The following VPS13D variants were observed in gnomAD, a reference collection of about 807,000 sequenced individuals.
VPS13D encodes vacuolar protein sorting 13 homolog D.
Under a neutral mutation model 461.9 loss-of-function variants are expected in VPS13D, and 187 were observed. That is an observed-to-expected ratio of 0.40 (90% confidence interval 0.36 to 0.46). VPS13D has a LOEUF of 0.46. VPS13D is among the 20% of genes least tolerant of loss of function. The pLI is 0.60. For missense variants in VPS13D, 4,711 were observed against 5,364.9 expected (o/e 0.88, Z 3.81); for synonymous variants, 1,951 against 1,986.3 (o/e 0.98, Z 0.47).
chr1:12,345,538 T>A, intron 43 of VPS13D, 29 bp downstream of exon 43: 1 of 1,593,810 alleles, frequency 6.3e-7, no homozygotes, highest in Non-Finnish European at 8.6e-7. Flanking sequence ...GTCAGATGGT[T>A]AAGCGACTGT....
chr1:12,363,830 G>A (rs1329469611), intron 52 of VPS13D, among the ~76,000 whole-genome samples: 1 of 151,774 alleles, frequency 6.6e-6, no homozygotes, highest in Non-Finnish European at 1.5e-5. Context: ...GTGTGTGGCT[G>A]TAGTCACAGC....
intron 3 of VPS13D, among the ~76,000 whole-genome samples, chr1:12,243,856 C>T (rs1218344466): frequency 1.3e-5 from 2 of 152,122 alleles, no homozygotes; most frequent in Non-Finnish European, 2.9e-5. Flanking sequence ...CCAACTAGTG[C>T]TTATCAACCA....
rs558189927 is a variant in VPS13D at position 12,306,015 on chromosome 1, A to G, written c.6439+1287A>G. Among the ~76,000 whole-genome samples the G allele has an allele frequency of 1.7e-3, 250 of 150,832 alleles. 1 individual carries two copies. The highest frequency in any genetic ancestry group is 5.7e-3 in the African/African-American group (232 of 41,048). On this transcript the variant is annotated intron_variant, in intron 26 of 69. Transcript: ENST00000620676. ...TTTTATTTTTTTGAGATGGAGTCTC[A>G]CTCTGTTGCCCAGGCTGGAGTGCAG...
chr1:12,428,791 A>G (rs367981089), intron 65 of VPS13D, among the ~76,000 whole-genome samples: 7 of 152,300 alleles, frequency 4.6e-5, no homozygotes, highest in African/African-American at 1.4e-4. Context: ...CACATCACCA[A>G]TTAGGTGCTG....
At chr1:12,237,053 G>T (rs1233421120) in intron 2 of VPS13D, among the ~76,000 whole-genome samples, 1 of 151,214 alleles carries the variant, frequency 6.6e-6, no homozygotes, top group East Asian at 1.9e-4. Flanking sequence ...CAAAGAGATT[G>T]TGTGTGTGTG....
rs58476786 is a variant in VPS13D at position 12,395,996 on chromosome 1, G to GATATATATATATATATATATATATAT, written c.11635-4177_11635-4152dup. Among the ~76,000 whole-genome samples, 26 of 73,762 alleles carry GATATATATATATATATATATATATAT rather than the reference G, an allele frequency of 3.5e-4. 2 individuals are homozygous for GATATATATATATATATATATATATAT. Among genetic ancestry groups the GATATATATATATATATATATATATAT allele is most frequent in the Non-Finnish European group, 5.2e-4 (22 of 42,598 alleles). 48.4% of individuals were successfully genotyped at this position (73,762 alleles called of 152,430 possible). A position where few individuals can be genotyped will look rare whatever the true frequency, so the allele number is the denominator to read the frequency against. ...TCTTAGAGGGATAGAACTAATAGGA[G>GATATATATATATATATATATATATAT]ATATATATATATATATATATATATA... is the stretch of plus-strand genomic sequence containing the variant. On this transcript the variant is annotated intron_variant, in intron 60 of 69. Coordinates refer to ENST00000620676, the MANE Select transcript of VPS13D (RefSeq NM_015378.4).
chr1:12,427,017 GAAAT>G lies in VPS13D; in HGVS notation c.12333+10211_12333+10214del, dbSNP rs148686366. On this transcript the variant is annotated intron_variant, in intron 65 of 69. Transcript: ENST00000620676. ...CGACAAGAGTGAGTCTTCGTCTCAA[GAAAT>G]AAATAAATAAATAAATAAATTTAGT... 7.5e-3 allele frequency among the ~76,000 whole-genome samples: 1,133 copies of G among 151,820 alleles called. 54 individuals carry two copies. In the East Asian group the frequency reaches 0.12, roughly 17 times the overall value.
intron 25 of VPS13D, among the ~76,000 whole-genome samples, chr1:12,302,601 G>A (rs537115860): frequency 1.2e-3 from 189 of 152,178 alleles, no homozygotes; most frequent in African/African-American, 4.1e-3. Context: ...TACAAGGAGC[G>A]CTTTTTCTTC....
intron 54 of VPS13D, 41 bp from the exon 55 acceptor site, chr1:12,373,707 GTA>G (rs769473881): frequency 8.5e-7 from 1 of 1,182,244 alleles, no homozygotes; most frequent in African/African-American, 1.6e-5. Context: ...GTGTATACCT[GTA>G]TATATATTTT....
At chr1:12,380,657 G>T (rs1204738915) in intron 57 of VPS13D, among the ~76,000 whole-genome samples, 1 of 152,206 alleles carries the variant, frequency 6.6e-6, no homozygotes, top group Non-Finnish European at 1.5e-5. Flanking sequence ...ACCTGCAATT[G>T]TGTGTGCAGT....
At chr1:12,470,091 T>C (rs143833873) in intron 67 of VPS13D, among the ~76,000 whole-genome samples, 122 of 152,328 alleles carry the variant, frequency 8.0e-4, no homozygotes, top group African/African-American at 2.8e-3. Flanking sequence ...CCAGAGACAA[T>C]TCCTAGCAGA....
intron 67 of VPS13D, among the ~76,000 whole-genome samples, chr1:12,466,132 TA>T (rs200407006): frequency 0.012 from 1,715 of 137,890 alleles, 4 homozygotes; most frequent in Non-Finnish European, 0.014. Flanking sequence ...AGACTCCATC[TA>T]AAAAAAAAAA....
chr1:12,300,063 A>G (rs1642380982), intron 25 of VPS13D, among the ~76,000 whole-genome samples: 1 of 152,052 alleles, frequency 6.6e-6, no homozygotes, highest in African/African-American at 2.4e-5. Context: ...TAAACAAGTA[A>G]ACGTGTTTCC....
chr1:12,480,656 T>C (rs1025781588), intron 67 of VPS13D, among the ~76,000 whole-genome samples: 1 of 152,172 alleles, frequency 6.6e-6, no homozygotes, highest in African/African-American at 2.4e-5. Flanking sequence ...TAAGGTTAAA[T>C]TGTATAAAGG....
chr1:12,420,748 TC>T (rs1012789602), intron 65 of VPS13D, among the ~76,000 whole-genome samples: 4 of 152,214 alleles, frequency 2.6e-5, no homozygotes, highest in African/African-American at 9.6e-5. Flanking sequence ...CTTTAAATAA[TC>T]TTTTCCTCTG....
chr1:12,443,187 A>G (rs767230925), intron 65 of VPS13D, among the ~76,000 whole-genome samples: 24 of 152,236 alleles, frequency 1.6e-4, no homozygotes, highest in Non-Finnish European at 3.1e-4. Flanking sequence ...TTTACCAAAC[A>G]TATATTTTTA....
chr1:12,472,553 T>C (rs557968521), intron 67 of VPS13D, among the ~76,000 whole-genome samples: 49 of 152,342 alleles, frequency 3.2e-4, no homozygotes, highest in African/African-American at 1.2e-3. Flanking sequence ...CCCTCAAGGC[T>C]TACATTTCAG....
intron 65 of VPS13D, among the ~76,000 whole-genome samples, chr1:12,445,819 A>C (rs536921200): frequency 6.6e-6 from 1 of 152,304 alleles, no homozygotes; most frequent in East Asian, 1.9e-4. Context: ...CTTAGATTTG[A>C]ACTACCTCCC....
intron 2 of VPS13D, among the ~76,000 whole-genome samples, chr1:12,237,280 A>G (rs889656332): frequency 6.6e-6 from 1 of 151,970 alleles, no homozygotes; most frequent in Non-Finnish European, 1.5e-5. Flanking sequence ...ACCTGAAGCC[A>G]GGAGTTCAAG....
Sources: gnomAD v4.1 joint callset for allele counts (sites outside exome capture counted in the v4.1 genomes callset) on GRCh38, gnomAD v4.1.1 for gene constraint, MANE v1.5 for transcripts, NCBI Gene and HGNC (gene_info 2026-07-23, HGNC 2026-07-21) for gene names.